The following ACSM3 variants were observed in gnomAD, a reference collection of about 807,000 sequenced individuals.
The protein encoded by ACSM3 is acyl-CoA synthetase medium chain family member 3.
ACSM3 carries 61 observed loss-of-function variants against 74.1 expected under a neutral mutation model. That is an observed-to-expected ratio of 0.82 (90% CI 0.67 to 1.02). The LOEUF (loss-of-function observed/expected upper bound fraction) is 1.02. ACSM3 is among the 50% of genes least tolerant of loss of function. The pLI is 0.00. For missense variants in ACSM3, 660 were observed against 697.0 expected, an observed-to-expected ratio of 0.95 and a Z score of 0.60; for synonymous variants, 213 against 241.5, an observed-to-expected ratio of 0.88 and a Z score of 1.09.
chr16:20,767,110 C>CAG (rs1161905762), intron 1 of ACSM3, among the ~76,000 whole-genome samples: 1 of 151,830 alleles, frequency 6.6e-6, no homozygotes, highest in East Asian at 1.9e-4. Context: ...AAATTAAAAA[C>CAG]AGAGAGAGAC....
intron 1 of ACSM3, among the ~76,000 whole-genome samples, chr16:20,723,568 T>C (rs1440102864): frequency 6.7e-6 from 1 of 149,648 alleles, no homozygotes; most frequent in African/African-American, 2.4e-5. Flanking sequence ...TTTTTAATGA[T>C]TGCCATTCTA....
upstream of ACSM3, among the ~76,000 whole-genome samples, chr16:20,761,090 T>C (rs1350554335): frequency 1.3e-5 from 2 of 151,050 alleles, no homozygotes; most frequent in Non-Finnish European, 3.0e-5. Flanking sequence ...GCTGAACCAA[T>C]GTATACACAT....
intron 1 of ACSM3, chr16:20,703,468 T>C (rs2152361998): frequency 6.6e-6 from 1 of 152,338 alleles, no homozygotes; most frequent in South Asian, 2.1e-4. Flanking sequence ...CCCATTTGTT[T>C]GTGTCCTCTC....
chr16:20,742,618 G>A (rs2079936822), intron 1 of ACSM3, among the ~76,000 whole-genome samples: 1 of 147,634 alleles, frequency 6.8e-6, no homozygotes, highest in East Asian at 2.0e-4. Context: ...ACTCCAGCCT[G>A]GCAACAAAGC....
At chr16:20,757,431 C>G (rs1437276110) in intron 3 of ACSM3, among the ~76,000 whole-genome samples, 3 of 151,564 alleles carry the variant, frequency 2.0e-5, no homozygotes, top group African/African-American at 7.3e-5. Flanking sequence ...ATTTGGCTCT[C>G]TGTTTGTCTA....
At chr16:20,772,914 C>T (rs2080210752) in intron 2 of ACSM3, among the ~76,000 whole-genome samples, 1 of 150,690 alleles carries the variant, frequency 6.6e-6, no homozygotes, top group African/African-American at 2.4e-5. Flanking sequence ...TTGCAGTGAA[C>T]TGAGATCACA....
At chr16:20,728,344 T>C (rs1053841842) in intron 1 of ACSM3, 2 of 1,120,678 alleles carry the variant, frequency 1.8e-6, no homozygotes, top group South Asian at 2.7e-5. Context: ...TTTCATTTTG[T>C]GAAAAGAAAA....
rs750010645 is a variant in ACSM3, at chr16:20,777,428, A to T, written c.486A>T (p.Arg162Ser). The stretch of plus-strand genomic sequence containing the variant: ...TGACCCAGAAAGACATTCTCTACAG[A>T]CTACAATCTTCAAAAGCAAACTGCA... ...TQLTQKDILY[R>S]LQSSKANCII... The change falls in exon 4 of 14, where the codon AGA (arginine) becomes AGT (serine). Residue 162 changes from arginine to serine, a missense_variant. By Grantham distance (110) the Arg-to-Ser change is moderately radical. Coordinates refer to ENST00000289416, the MANE Select transcript of ACSM3 (RefSeq NM_005622.4). 1 of 1,614,100 alleles carries T rather than the reference A, an allele frequency of 6.2e-7. No homozygotes were observed. The highest frequency in any genetic ancestry group is 8.5e-7 in the Non-Finnish European group (1 of 1,179,986).
intron 1 of ACSM3, among the ~76,000 whole-genome samples, chr16:20,714,481 A>C (rs1197232888): frequency 1.3e-5 from 2 of 152,176 alleles, no homozygotes; most frequent in Non-Finnish European, 2.9e-5. Flanking sequence ...TTTGAGGAGG[A>C]CCAAACTGGA....
chr16:20,788,362 T>C (rs1321094653), intron 9 of ACSM3, among the ~76,000 whole-genome samples: 1 of 152,220 alleles, frequency 6.6e-6, no homozygotes, highest in African/African-American at 2.4e-5. Context: ...CACAGCTGTA[T>C]TCACAGTGAT....
chr16:20,766,735 G>C (rs1297144685), intron 1 of ACSM3: 3 of 151,614 alleles, frequency 2.0e-5, no homozygotes, highest in African/African-American at 7.3e-5. Context: ...TCTTTAGGCA[G>C]GGAAAAAAAG....
chr16:20,705,683 A>G (rs2079725419), intron 1 of ACSM3, among the ~76,000 whole-genome samples: 1 of 152,232 alleles, frequency 6.6e-6, no homozygotes, highest in Non-Finnish European at 1.5e-5. Context: ...AATGTTCAAT[A>G]TAAAGTCTAA....
intron 13 of ACSM3, 191 bp from the exon 14 acceptor site, chr16:20,796,695 C>T: frequency 6.8e-7 from 1 of 1,477,920 alleles, no homozygotes; most frequent in Non-Finnish European, 8.9e-7. Flanking sequence ...TTACTGGACT[C>T]ACAGTAAATA....
chr16:20,773,064 A>G (rs1420950564), intron 2 of ACSM3, among the ~76,000 whole-genome samples: 3 of 151,720 alleles, frequency 2.0e-5, no homozygotes, highest in African/African-American at 7.3e-5. Flanking sequence ...ATTCAATCTC[A>G]TTACATATTA....
chr16:20,718,405 AT>A, intron 1 of ACSM3: 1 of 893,622 alleles, frequency 1.1e-6, no homozygotes, highest in Non-Finnish European at 1.5e-6. Context: ...ACCAGTGGCC[AT>A]TTATTTCACC....
intron 7 of ACSM3, among the ~76,000 whole-genome samples, chr16:20,783,062 G>A (rs774262639): frequency 6.6e-5 from 10 of 152,202 alleles, no homozygotes; most frequent in Non-Finnish European, 1.2e-4. Context: ...AAGGATGGAG[G>A]TGAGGCTGAA....
In ACSM3 at chr16:20,715,608, C is replaced by T. The variant is rs539540464; in HGVS notation, c.-189-34302C>T. ...GACAGAGTGAGACTCCATCTCAAAA[C>T]AAAACAAAACAAAACAAAAAAAAAT... is the stretch of plus-strand genomic sequence containing the variant. On this transcript the variant is annotated intron_variant, in intron 1 of 3. Coordinates refer to the ACSM3 transcript ENST00000561584. 6.0e-3 allele frequency among the ~76,000 whole-genome samples: 680 copies of T among 113,704 alleles called. 6 individuals are homozygous for T. Among genetic ancestry groups the T allele is most frequent in the African/African-American group, 0.018 (629 of 35,364 alleles). 74.6% of individuals were successfully genotyped at this position (113,704 alleles called of 152,430 possible).
At chr16:20,746,143 AAAT>A (rs2079956654) in intron 1 of ACSM3, among the ~76,000 whole-genome samples, 1 of 152,204 alleles carries the variant, frequency 6.6e-6, no homozygotes, top group African/African-American at 2.4e-5. Context: ...ATAATAATGG[AAAT>A]AATAATACTC....
chr16:20,738,351 T>G, intron 1 of ACSM3: 1 of 401,640 alleles, frequency 2.5e-6, no homozygotes, highest in South Asian at 1.8e-5. Context: ...CTTTAAAAGA[T>G]GTAATTAATC....
Sources: allele counts gnomAD v4.1 joint callset (sites outside exome capture counted in the v4.1 genomes callset), GRCh38; gene constraint gnomAD v4.1.1; transcripts MANE v1.5; gene names NCBI Gene and HGNC (gene_info 2026-07-23, HGNC 2026-07-21).